Variants in EXOC4 observed in about 807,000 individuals in gnomAD.
The protein encoded by EXOC4 is SEC8-like 1.
In EXOC4, 71 loss-of-function variants were observed where a neutral mutation model predicts 107.2. The ratio of observed to expected loss-of-function variants is 0.66; its 90% CI spans 0.55 to 0.81. The LOEUF is 0.81. Among genes scored for constraint, EXOC4 ranks in the 30% least tolerant of loss-of-function variants. The pLI, the probability that EXOC4 is intolerant of heterozygous loss-of-function variation, is 0.00. For missense variants in EXOC4, 1,108 were observed against 1,189.6 expected, an observed-to-expected ratio of 0.93 and a Z score of 1.01; for synonymous variants, 456 against 441.2, an observed-to-expected ratio of 1.03 and a Z score of -0.42.
intron 10 of EXOC4, among the ~76,000 whole-genome samples, chr7:133,669,662 T>C (rs1793902330): frequency 1.3e-5 from 2 of 152,344 alleles, no homozygotes; most frequent in Admixed American, 6.5e-5. Context: ...TTTTAAAAGA[T>C]AGAAATTTAT....
intron 9 of EXOC4, among the ~76,000 whole-genome samples, chr7:133,572,974 C>T (rs527239095): frequency 1.3e-5 from 2 of 152,276 alleles, no homozygotes; most frequent in African/African-American, 2.4e-5. Flanking sequence ...CTTCCATTCA[C>T]CAGAAAGCAC....
At chr7:133,343,236 C>G (rs781371284) in intron 5 of EXOC4, among the ~76,000 whole-genome samples, 1 of 152,078 alleles carries the variant, frequency 6.6e-6, no homozygotes, top group Non-Finnish European at 1.5e-5. Context: ...GGTGCTCTCC[C>G]CATTCCCCTA....
intron 10 of EXOC4, among the ~76,000 whole-genome samples, chr7:133,752,804 C>T (rs891832210): frequency 4.6e-5 from 7 of 152,182 alleles, no homozygotes; most frequent in Admixed American, 1.3e-4. Flanking sequence ...AATGTCTTCA[C>T]GAAGGATGAG....
intron 10 of EXOC4, among the ~76,000 whole-genome samples, chr7:133,682,746 C>T (rs538772324): frequency 6.6e-6 from 1 of 152,308 alleles, no homozygotes; most frequent in Non-Finnish European, 1.5e-5. Context: ...TCATCTACCA[C>T]ATGTAAAGTA....
At chr7:133,321,908 T>A (rs1208713999) in intron 5 of EXOC4, among the ~76,000 whole-genome samples, 1 of 152,334 alleles carries the variant, frequency 6.6e-6, no homozygotes, top group South Asian at 2.1e-4. Context: ...TTTTTAATGA[T>A]CACCATTCTA....
intron 9 of EXOC4, among the ~76,000 whole-genome samples, chr7:133,611,600 A>G (rs1239184184): frequency 1.3e-5 from 2 of 151,878 alleles, no homozygotes; most frequent in African/African-American, 4.8e-5. Context: ...CTAGTCTTCT[A>G]CACTCAACTT....
chr7:133,493,202 A>C (rs1195184334), intron 9 of EXOC4, among the ~76,000 whole-genome samples: 5 of 152,174 alleles, frequency 3.3e-5, no homozygotes, highest in Admixed American at 6.5e-5. Context: ...AGGTGGGTGG[A>C]TCACCTGAGG....
At chr7:133,903,820 T>C (rs1032486072) in intron 12 of EXOC4, among the ~76,000 whole-genome samples, 2 of 152,154 alleles carry the variant, frequency 1.3e-5, no homozygotes, top group East Asian at 1.9e-4. Flanking sequence ...CCATGGACTT[T>C]TATGAAGTTT....
At chr7:133,626,534 A>G (rs1174876285) in intron 9 of EXOC4, among the ~76,000 whole-genome samples, 1 of 152,176 alleles carries the variant, frequency 6.6e-6, no homozygotes, top group African/African-American at 2.4e-5. Flanking sequence ...AGGTTCCTGT[A>G]GGTGGAATTC....
intron 10 of EXOC4, among the ~76,000 whole-genome samples, chr7:133,803,487 C>T (rs1796996632): frequency 6.6e-6 from 1 of 152,106 alleles, no homozygotes; most frequent in South Asian, 2.1e-4. Context: ...GCTGTTTTAT[C>T]TTCTGTGAGT....
intron 10 of EXOC4, among the ~76,000 whole-genome samples, chr7:133,693,240 AC>A (rs1794458814): frequency 6.6e-6 from 1 of 152,168 alleles, no homozygotes; most frequent in South Asian, 2.1e-4. Flanking sequence ...CTGGCAAACC[AC>A]TGGTGTGAGT....
At chr7:133,629,636 G>A (rs935586055) in intron 9 of EXOC4, among the ~76,000 whole-genome samples, 2 of 151,914 alleles carry the variant, frequency 1.3e-5, no homozygotes, top group Non-Finnish European at 2.9e-5. Flanking sequence ...CACCTCCCAG[G>A]TTCAAGCAAT....
At chr7:133,681,643 A>C (rs1218303533) in intron 10 of EXOC4, among the ~76,000 whole-genome samples, 1 of 152,070 alleles carries the variant, frequency 6.6e-6, no homozygotes, top group Non-Finnish European at 1.5e-5. Context: ...TCCCCCCTAC[A>C]ACATGTGGGA....
At chr7:134,044,609 A>G (rs1328450191) in intron 17 of EXOC4, among the ~76,000 whole-genome samples, 1 of 149,048 alleles carries the variant, frequency 6.7e-6, no homozygotes, top group Non-Finnish European at 1.5e-5. Flanking sequence ...ACCACGCATA[A>G]AGATCTGAAG....
intron 10 of EXOC4, among the ~76,000 whole-genome samples, chr7:133,755,204 TTATA>T (rs1287481893): frequency 7.4e-6 from 1 of 134,906 alleles, no homozygotes; most frequent in Non-Finnish European, 1.5e-5. Flanking sequence ...AACCATTTGT[TTATA>T]TATGTGTGTG....
At chr7:133,292,249 C>G (rs1340522306) in intron 3 of EXOC4, among the ~76,000 whole-genome samples, 1 of 152,124 alleles carries the variant, frequency 6.6e-6, no homozygotes, top group South Asian at 2.1e-4. Flanking sequence ...GAGGCTGAGG[C>G]TGGAGAATCA....
At chr7:133,298,085 C>A (rs1271748309) in intron 3 of EXOC4, among the ~76,000 whole-genome samples, 1 of 152,154 alleles carries the variant, frequency 6.6e-6, no homozygotes, top group Admixed American at 6.5e-5. Context: ...TCTGAGAATG[C>A]TAATGAGTAG....
chr7:133,582,660 G>A (rs1299120533), intron 9 of EXOC4, among the ~76,000 whole-genome samples: 1 of 151,766 alleles, frequency 6.6e-6, no homozygotes, highest in Non-Finnish European at 1.5e-5. Flanking sequence ...AAAATGATTA[G>A]ATACCTTGCC....
chr7:133,452,154 G>A (rs562725091), intron 7 of EXOC4, among the ~76,000 whole-genome samples: 3 of 152,176 alleles, frequency 2.0e-5, no homozygotes, highest in Non-Finnish European at 4.4e-5. Flanking sequence ...TTCATGGAAG[G>A]AACCGAAGAC....
Sources: gnomAD v4.1 joint callset for allele counts (sites outside exome capture counted in the v4.1 genomes callset) on GRCh38, gnomAD v4.1.1 for gene constraint, MANE v1.5 for transcripts, NCBI Gene and HGNC (gene_info 2026-07-23, HGNC 2026-07-21) for gene names.